PTPRD: variants seen among roughly 807,000 people sequenced by gnomAD.
PTPRD encodes the protein protein tyrosine phosphatase receptor type D.
In PTPRD, 34 loss-of-function variants were observed where a neutral mutation model predicts 214.5. The ratio of observed to expected loss-of-function variants is 0.16; its 90% confidence interval spans 0.12 to 0.21. PTPRD has a LOEUF of 0.21. PTPRD is among the 10% of genes least tolerant of loss of function. PTPRD has a pLI of 1.00. For synonymous variants in PTPRD, 1,128 were observed against 845.7 expected (o/e 1.33, Z -5.79); for missense variants, 2,545 against 2,398.7 (o/e 1.06, Z -1.27).
chr9:10,031,647 T>TATATATATACACACACACACAC, intron 4 of PTPRD, among the ~76,000 whole-genome samples: 49 of 89,646 alleles, frequency 5.5e-4, no homozygotes, highest in East Asian at 1.9e-3. Context: ...TATATATATA[T>TATATATATACACACACACACAC]ACACACACAC....
At chr9:8,769,245 C>T (rs1220498246) in intron 11 of PTPRD, among the ~76,000 whole-genome samples, 4 of 152,204 alleles carry the variant, frequency 2.6e-5, no homozygotes, top group South Asian at 2.1e-4. Flanking sequence ...TGAGTTCATT[C>T]GGAATTTCTT....
At chr9:9,134,657 C>T (rs139237672) in intron 10 of PTPRD, among the ~76,000 whole-genome samples, 154 of 152,338 alleles carry the variant, frequency 1.0e-3, no homozygotes, top group African/African-American at 3.4e-3. Flanking sequence ...CTTTCTCCTC[C>T]CAGGACACTC....
intron 35 of PTPRD, among the ~76,000 whole-genome samples, chr9:8,424,104 C>T (rs1477021106): frequency 1.3e-5 from 2 of 152,002 alleles, no homozygotes; most frequent in African/African-American, 4.8e-5. Context: ...AAAACTAAGT[C>T]GTTTTGTTGT....
intron 5 of PTPRD, among the ~76,000 whole-genome samples, chr9:9,927,167 T>A (rs192171005): frequency 2.0e-5 from 3 of 152,162 alleles, no homozygotes; most frequent in Admixed American, 6.5e-5. Flanking sequence ...TATTAGAATA[T>A]TTAAAAGCAT....
intron 35 of PTPRD, among the ~76,000 whole-genome samples, chr9:8,434,969 G>A (rs1379374092): frequency 1.3e-5 from 2 of 152,196 alleles, no homozygotes; most frequent in Non-Finnish European, 2.9e-5. Context: ...GCAATCCGGT[G>A]TGAATTTTCC....
intron 2 of PTPRD, among the ~76,000 whole-genome samples, chr9:10,577,422 T>C (rs2069801344): frequency 6.6e-6 from 1 of 152,204 alleles, no homozygotes; most frequent in Non-Finnish European, 1.5e-5. Flanking sequence ...GACTGTGATG[T>C]TAATAATCAG....
intron 10 of PTPRD, among the ~76,000 whole-genome samples, chr9:9,128,493 C>T (rs1246970223): frequency 1.3e-5 from 2 of 152,082 alleles, no homozygotes; most frequent in Non-Finnish European, 1.5e-5. Context: ...ACATCATGGC[C>T]CATTATCTCA....
intron 8 of PTPRD, chr9:9,442,009 G>A (rs942143779): frequency 6.6e-6 from 1 of 152,226 alleles, no homozygotes; most frequent in Non-Finnish European, 1.5e-5. Flanking sequence ...CACTTCCAGA[G>A]CTTGAAAACA....
intron 2 of PTPRD, among the ~76,000 whole-genome samples, chr9:10,478,997 G>A (rs1053762995): frequency 1.3e-5 from 2 of 151,874 alleles, no homozygotes; most frequent in Non-Finnish European, 2.9e-5. Context: ...TTTTTTAAAA[G>A]CCCTTCAAAA....
In PTPRD at chr9:8,634,693, C is replaced by T. The variant is rs543585053; in HGVS notation, c.211-1235G>A. ...GTTTCATATTGGAAGCTTTGTTAAGCATTCCATAATTTTAAAAAAGTTATT... is the reference window on the plus strand; with the variant it reads ...GTTTCATATTGGAAGCTTTGTTAAGTATTCCATAATTTTAAAAAAGTTATT... On this transcript the variant is annotated intron_variant, in intron 13 of 45. Transcript: ENST00000381196. Among the ~76,000 whole-genome samples, 5 of 152,102 alleles carry T rather than the reference C, an allele frequency of 3.3e-5. No homozygotes were observed. In the East Asian group the frequency reaches 9.7e-4, roughly 29 times the overall value.
At chr9:10,430,801 C>T (rs1441094338) in intron 2 of PTPRD, among the ~76,000 whole-genome samples, 3 of 151,886 alleles carry the variant, frequency 2.0e-5, no homozygotes, top group Non-Finnish European at 4.4e-5. Flanking sequence ...TGGTAGGAGG[C>T]AATAGACCTG....
intron 2 of PTPRD, among the ~76,000 whole-genome samples, chr9:10,468,231 G>A (rs1266832328): frequency 6.6e-6 from 1 of 151,988 alleles, no homozygotes; most frequent in Non-Finnish European, 1.5e-5. Context: ...ATTCACAATA[G>A]CAAAACTTGT....
At chr9:9,402,966 GAAAAAAA>G (rs1555359331) in intron 8 of PTPRD, among the ~76,000 whole-genome samples, 7 of 78,608 alleles carry the variant, frequency 8.9e-5, no homozygotes, top group Admixed American at 3.6e-4. Flanking sequence ...CTAATAGGGA[GAAAAAAA>G]AAAAAAAAAA....
chr9:8,715,848 T>C lies in PTPRD; in HGVS notation c.64+17932A>G, dbSNP rs150959261. 1.9e-3 allele frequency among the ~76,000 whole-genome samples: 291 copies of C among 152,346 alleles called. 2 individuals are homozygous for C. Among genetic ancestry groups the C allele is most frequent in the African/African-American group, 6.7e-3 (280 of 41,578 alleles). On this transcript the variant is annotated intron_variant, in intron 12 of 45. Transcript: ENST00000381196. ...GATAAGTTTAAAGTTTAGCACCAAA[T>C]GTTTAGCCTTCAGACAATTCAAAAG...
intron 7 of PTPRD, among the ~76,000 whole-genome samples, chr9:9,710,992 G>A (rs1451270639): frequency 2.0e-5 from 3 of 151,968 alleles, no homozygotes; most frequent in African/African-American, 7.2e-5. Flanking sequence ...GTGTGTGTGT[G>A]TGTATGCACA....
chr9:9,469,432 T>C (rs369989560), intron 8 of PTPRD, among the ~76,000 whole-genome samples: 18 of 152,300 alleles, frequency 1.2e-4, no homozygotes, highest in African/African-American at 1.9e-4. Flanking sequence ...ACATGACCGA[T>C]GTACTTGGGT....
intron 10 of PTPRD, among the ~76,000 whole-genome samples, chr9:9,129,332 G>C (rs1368649735): frequency 6.6e-6 from 1 of 152,220 alleles, no homozygotes; most frequent in Non-Finnish European, 1.5e-5. Context: ...AGAGGTTGCA[G>C]TGAGCCAAGA....
chr9:10,083,567 T>C (rs1310588957), intron 3 of PTPRD, among the ~76,000 whole-genome samples: 1 of 152,008 alleles, frequency 6.6e-6, no homozygotes, highest in African/African-American at 2.4e-5. Flanking sequence ...GAGAACTTAA[T>C]ATATAAATGC....
At chr9:10,603,513 G>A (rs938438731) in intron 2 of PTPRD, among the ~76,000 whole-genome samples, 21 of 151,680 alleles carry the variant, frequency 1.4e-4, no homozygotes, top group Admixed American at 1.3e-4. Context: ...TTTACCTTCC[G>A]TACTAATATG....
Sources: gnomAD v4.1 joint callset for allele counts (sites outside exome capture counted in the v4.1 genomes callset) on GRCh38, gnomAD v4.1.1 for gene constraint, MANE v1.5 for transcripts, NCBI Gene and HGNC (gene_info 2026-07-23, HGNC 2026-07-21) for gene names.